NLGN4X: variants seen among roughly 807,000 people sequenced by gnomAD.
The protein encoded by NLGN4X is neuroligin-4, X-linked.
Under a neutral mutation model 40.3 loss-of-function variants are expected in NLGN4X, and 3 were observed. That is an observed-to-expected ratio of 0.07 (90% CI 0.03 to 0.19). NLGN4X has a LOEUF of 0.19. Ranked by LOEUF, NLGN4X falls within the 10% of genes least tolerant of loss-of-function variation. NLGN4X has a pLI of 1.00. For missense variants in NLGN4X, 382 were observed against 708.3 expected (o/e 0.54, Z 5.23); for synonymous variants, 270 against 306.8 (o/e 0.88, Z 1.25).
intron 3 of NLGN4X, among the ~76,000 whole-genome samples, chrX:5,962,698 C>CT: frequency 9.0e-6 from 1 of 111,688 alleles, no homozygotes. Context: ...GAGGTGGCAT[C>CT]TTTAAGAGGT....
chrX:6,050,626 A>ACC (rs1424899026), intron 2 of NLGN4X, among the ~76,000 whole-genome samples: 1 of 110,732 alleles, frequency 9.0e-6, no homozygotes, highest in African/African-American at 3.3e-5. Context: ...TATATCTATC[A>ACC]TCTCTATCCA....
At chrX:6,094,327 A>T (rs1386966683) in intron 2 of NLGN4X, among the ~76,000 whole-genome samples, 2 of 110,940 alleles carry the variant, frequency 1.8e-5, no homozygotes, top group Non-Finnish European at 3.8e-5. Flanking sequence ...AGAAGGTATA[A>T]AAAGGAAAGA....
chrX:6,040,406 TCTAAA>T (rs2037125154), intron 2 of NLGN4X, among the ~76,000 whole-genome samples: 1 of 111,772 alleles, frequency 8.9e-6, no homozygotes, highest in Admixed American at 9.6e-5. Context: ...TTTTTAATTA[TCTAAA>T]CTAATGCTTT....
chrX:6,064,615 C>T (rs757980038), intron 2 of NLGN4X, among the ~76,000 whole-genome samples: 1 of 110,913 alleles, frequency 9.0e-6, no homozygotes, highest in South Asian at 3.9e-4. Flanking sequence ...TCTATGGAAG[C>T]AGGGGACAAG....
intron 3 of NLGN4X, among the ~76,000 whole-genome samples, chrX:5,964,606 C>T (rs1247428514): frequency 1.8e-5 from 2 of 111,324 alleles, no homozygotes; most frequent in Admixed American, 9.6e-5. Context: ...TCCTGGACTC[C>T]AGCAATCCTC....
intron 3 of NLGN4X, among the ~76,000 whole-genome samples, chrX:5,936,570 G>A (rs907900956): frequency 5.4e-5 from 6 of 111,786 alleles, no homozygotes; most frequent in African/African-American, 1.6e-4. Context: ...GAATGAACAC[G>A]TGGGAGTTGT....
At chrX:6,162,689 T>C (rs746348011) in intron 1 of NLGN4X, among the ~76,000 whole-genome samples, 32 of 111,660 alleles carry the variant, frequency 2.9e-4, no homozygotes, top group African/African-American at 9.7e-4. Flanking sequence ...CTATTAGTTC[T>C]GTTCCTCTAG....
chrX:5,897,556 C>T (rs1340258455), intron 5 of NLGN4X, among the ~76,000 whole-genome samples: 1 of 111,969 alleles, frequency 8.9e-6, no homozygotes, highest in African/African-American at 3.2e-5. Context: ...TTTTAGTCCT[C>T]TGACCTGGAC....
rs147682324 is a variant in NLGN4X, at chrX:5,996,166, A to G, written c.625+33114T>C. Among the ~76,000 whole-genome samples, 278 of 112,115 alleles carry G rather than the reference A, an allele frequency of 2.5e-3. 1 individual carries two copies. The highest frequency in any genetic ancestry group is 8.6e-3 in the African/African-American group (266 of 30,887). ...CTGGAAAGTCAGATCCAGCTTAGTCATTCAAAGCAGCGCCTCCCCTGATGA... is the reference window on the plus strand; with the variant it reads ...CTGGAAAGTCAGATCCAGCTTAGTCGTTCAAAGCAGCGCCTCCCCTGATGA... On this transcript the variant is annotated intron_variant, in intron 3 of 5. Transcript: ENST00000381095.
chrX:5,952,543 T>A (rs1396023882), intron 3 of NLGN4X, among the ~76,000 whole-genome samples: 1 of 111,010 alleles, frequency 9.0e-6, no homozygotes, highest in Non-Finnish European at 1.9e-5. Flanking sequence ...ACACACCAGA[T>A]GACGAATTAG....
intron 3 of NLGN4X, among the ~76,000 whole-genome samples, chrX:5,920,250 A>C (rs1033937540): frequency 8.0e-5 from 9 of 112,540 alleles, no homozygotes; most frequent in Non-Finnish European, 1.5e-4. Context: ...CATAATTAGC[A>C]AGGAAATGTG....
Position 6,080,127 on chromosome X carries a change from C to A in NLGN4X, c.473-50695G>T, listed in dbSNP as rs1030218951. Among the ~76,000 whole-genome samples the A allele has an allele frequency of 2.0e-3, 208 of 105,766 alleles. 1 individual carries two copies. Among genetic ancestry groups the A allele is most frequent in the African/African-American group, 6.0e-3 (175 of 29,125 alleles). 91.8% of individuals were successfully genotyped at this position (105,766 alleles called of 115,157 possible). Reference sequence around the variant, plus strand: ...CTAGAAACCAGAAAAAAAAAAAAAACCAGAACAACAAGCCCAAGAGGAGAA... The same window carrying A: ...CTAGAAACCAGAAAAAAAAAAAAAAACAGAACAACAAGCCCAAGAGGAGAA... On this transcript the variant is annotated intron_variant, in intron 2 of 5. Coordinates refer to ENST00000381095, the MANE Select transcript of NLGN4X (RefSeq NM_181332.3).
At chrX:5,954,276 G>C (rs2146954658) in intron 3 of NLGN4X, among the ~76,000 whole-genome samples, 1 of 109,971 alleles carries the variant, frequency 9.1e-6, no homozygotes, top group Admixed American at 9.8e-5. Flanking sequence ...CCAGGCTGGA[G>C]TGCAGTGGTG....
intron 3 of NLGN4X, among the ~76,000 whole-genome samples, chrX:5,979,402 A>G (rs1301954650): frequency 1.8e-5 from 2 of 110,617 alleles, no homozygotes; most frequent in Admixed American, 1.9e-4. Context: ...TTGTAGGTTT[A>G]ACAACAAAAA....
chrX:6,017,085 A>C (rs1266670073), intron 3 of NLGN4X, among the ~76,000 whole-genome samples: 1 of 111,613 alleles, frequency 9.0e-6, no homozygotes, highest in Non-Finnish European at 1.9e-5. Flanking sequence ...TGCACACTTC[A>C]AACGTGCACG....
At chrX:5,921,462 G>GAGAT (rs2033064869) in intron 3 of NLGN4X, among the ~76,000 whole-genome samples, 1 of 102,666 alleles carries the variant, frequency 9.7e-6, no homozygotes, top group Non-Finnish European at 2.0e-5. Context: ...GAGAGAGAGA[G>GAGAT]GCAGCCTAAT....
intron 1 of NLGN4X, among the ~76,000 whole-genome samples, chrX:6,164,426 A>G (rs1025544317): frequency 8.9e-6 from 1 of 112,220 alleles, no homozygotes; most frequent in Non-Finnish European, 1.9e-5. Context: ...TAAGAAAAAA[A>G]CACTCAATTT....
At chrX:5,970,162 A>G (rs900991886) in intron 3 of NLGN4X, among the ~76,000 whole-genome samples, 2 of 106,735 alleles carry the variant, frequency 1.9e-5, no homozygotes, top group Non-Finnish European at 3.8e-5. Context: ...ACCCTAAAAC[A>G]TAAAAGTATA....
chrX:5,915,040 T>G (rs912452431), intron 3 of NLGN4X, among the ~76,000 whole-genome samples: 1 of 112,826 alleles, frequency 8.9e-6, no homozygotes, highest in Admixed American at 9.4e-5. Flanking sequence ...TGTTGCCTGA[T>G]AGGCAGGGCT....
Sources: gnomAD v4.1 joint callset for allele counts (sites outside exome capture counted in the v4.1 genomes callset) on GRCh38, gnomAD v4.1.1 for gene constraint, MANE v1.5 for transcripts, NCBI Gene and HGNC (gene_info 2026-07-23, HGNC 2026-07-21) for gene names.